The following KCNH3 variants were observed in gnomAD, a reference collection of about 807,000 sequenced individuals.
The protein encoded by KCNH3 is potassium voltage-gated channel subfamily H member 3.
A neutral mutation model predicts 95.6 loss-of-function variants in KCNH3; 36 were observed. The observed-to-expected ratio is 0.38, with a 90% CI of 0.29 to 0.50. The LOEUF (loss-of-function observed/expected upper bound fraction) is 0.50. KCNH3 is among the 20% of genes least tolerant of loss of function. The pLI is 0.95. For missense variants in KCNH3, 1,030 were observed against 1,484.1 expected (o/e 0.69, Z 5.03); for synonymous variants, 620 against 646.3 (o/e 0.96, Z 0.62).
Position 49,554,317 on chromosome 12 carries a change from C to A in KCNH3, c.1919-20C>A. Reference sequence around the variant, plus strand: ...GGCTGAAGCTCTCAGGGCTTGCTGACCTCTACTTCCTCTCCCCAGGGAAGG... The same window carrying A: ...GGCTGAAGCTCTCAGGGCTTGCTGAACTCTACTTCCTCTCCCCAGGGAAGG... On this transcript the variant is annotated intron_variant, in intron 10 of 14. Transcript: ENST00000257981. 1.2e-6 allele frequency: 2 copies of A among 1,605,370 alleles called. No homozygotes were observed.
chr12:49,540,015 C>A (rs191040614), intron 1 of KCNH3, among the ~76,000 whole-genome samples: 329 of 152,264 alleles, frequency 2.2e-3, no homozygotes, highest in Non-Finnish European at 3.9e-3. Context: ...GCCATCTAGC[C>A]CCAAGAAGAT....
At position 49,558,055 on chromosome 12, in the gene KCNH3, C is replaced by T. The variant is rs908424732; in HGVS notation, c.*102C>T. 2.1e-5 allele frequency: 28 copies of T among 1,314,700 alleles called. No homozygotes were observed. The highest frequency in any genetic ancestry group is 3.0e-5 in the African/African-American group (2 of 67,690). 81.4% of individuals were successfully genotyped at this position (1,314,700 alleles called of 1,614,324 possible). A position where few individuals can be genotyped will look rare whatever the true frequency, so the allele number is the denominator to read the frequency against. ...TGGCAGCCTCCCCACGGACTCCATG[C>T]GGCCCGCTGGCTCAGGGCAGGGAGC... On this transcript the variant is annotated 3_prime_UTR_variant, in exon 15 of 15. Transcript: ENST00000257981.
intron 9 of KCNH3, 34 bp downstream of exon 9, chr12:49,549,674 G>A (rs1455373212): frequency 1.3e-6 from 2 of 1,581,744 alleles, no homozygotes; most frequent in African/African-American, 1.3e-5. Flanking sequence ...GCTAGCCTTT[G>A]CTCCCTCAGG....
At chr12:49,551,598 A>AT (rs1938264785) in intron 10 of KCNH3, among the ~76,000 whole-genome samples, 1 of 146,674 alleles carries the variant, frequency 6.8e-6, no homozygotes, top group Non-Finnish European at 1.5e-5. Flanking sequence ...AAAAAAAAAA[A>AT]GAAAAGCCAC....
At position 49,549,613 on chromosome 12, in the gene KCNH3, G is replaced by T; in HGVS notation, c.1641G>T (p.Ala547=). The change falls in exon 9 of 15, where the codon GCG becomes GCT. Residue 547 remains alanine (A), a synonymous_variant. Transcript: ENST00000257981. ...TGGAGTACTTCCAGGCCACCTGGGC[G>T]GTGAACAATGGCATCGACACCACCG... The part of the protein sequence containing the change: ...RMLEYFQATW[A]VNNGIDTTEL... The T allele has an allele frequency of 5.0e-6, 8 of 1,611,056 alleles. No individual in the cohort carries two copies. Among genetic ancestry groups the T allele is most frequent in the Non-Finnish European group, 5.1e-6 (6 of 1,179,994 alleles).
chr12:49,556,563 T>C, intron 13 of KCNH3, 87 bp downstream of exon 13: 1 of 971,416 alleles, frequency 1.0e-6, no homozygotes, highest in Non-Finnish European at 1.6e-6. Context: ...GAGCCTTCAA[T>C]GTTAGAGAAA....
At position 49,543,521 on chromosome 12, in the gene KCNH3, G is replaced by A. The variant is rs780743571; in HGVS notation, c.823+3G>A. On this transcript the variant is annotated splice_donor_region_variant and intron_variant, in intron 5 of 14. Transcript: ENST00000257981. ...CGTGGAGGTCCTCTTCATCCTTGGT[G>A]CGTGCACTCTGCCCCTTCCGCCCCA... 1.1e-5 allele frequency: 17 copies of A among 1,591,948 alleles called. No individual in the cohort carries two copies. The East Asian group carries it at 3.4e-4, about 31-fold the overall frequency.
rs770307418 is a variant in KCNH3 at position 49,544,306 on chromosome 12, G to T, written c.1113G>T (p.Ala371=). Residue 371 remains alanine (A), a synonymous_variant, in exon 7 of 15, where the codon GCG becomes GCT. Transcript: ENST00000257981. ...TCATGGCCGTGTTCGCCCTGCTCGC[G>T]CACTGGGTCGCCTGCGTCTGGTTTT... The part of the protein sequence containing the change: ...TLLMAVFALL[A]HWVACVWFYI... 1.5e-5 allele frequency: 24 copies of T among 1,613,106 alleles called. No individual in the cohort carries two copies. The highest frequency in any genetic ancestry group is 1.9e-5 in the Non-Finnish European group (23 of 1,179,974).
At chr12:49,545,454 G>A (rs1938029885) in intron 7 of KCNH3, among the ~76,000 whole-genome samples, 1 of 146,714 alleles carries the variant, frequency 6.8e-6, no homozygotes, top group African/African-American at 2.6e-5. Flanking sequence ...GTACAGTGGC[G>A]TGATCTAGGC....
At position 49,540,919 on chromosome 12, in the gene KCNH3, A is replaced by C; in HGVS notation, c.97A>C (p.Asn33His). 6.2e-7 allele frequency: 1 copy of C among 1,614,156 alleles called. No homozygotes were observed. The highest frequency in any genetic ancestry group is 8.5e-7 in the Non-Finnish European group (1 of 1,180,010). The change falls in exon 2 of 15, where the codon AAC becomes CAC. Residue 33 changes from asparagine (N) to histidine (H), a missense_variant. Transcript: ENST00000257981. Reference sequence around the variant, plus strand: ...TGCAGACAGTAACTTCGTGCTGGGCAACGCCCAGGTGGCGGGGCTCTTCCC... The same window carrying C: ...TGCAGACAGTAACTTCGTGCTGGGCCACGCCCAGGTGGCGGGGCTCTTCCC... ...DGTHSNFVLG[N>H]AQVAGLFPVV... is the part of the protein sequence containing the mutation.
At chr12:49,542,961 G>C in intron 4 of KCNH3, 122 bp downstream of exon 4, 2 of 1,325,660 alleles carry the variant, frequency 1.5e-6, no homozygotes, top group Non-Finnish European at 2.0e-6. Context: ...CAGCACTTTG[G>C]GGGTTGGGAC....
In KCNH3 at chr12:49,557,526, C is replaced by T. The variant is rs776214067; in HGVS notation, c.2825C>T (p.Thr942Ile). 1 of 1,611,700 alleles carries T rather than the reference C, an allele frequency of 6.2e-7. No homozygotes were observed. Among genetic ancestry groups the T allele is most frequent in the Non-Finnish European group, 8.5e-7 (1 of 1,179,972 alleles). Residue 942 changes from threonine (T) to isoleucine (I), a missense_variant, in exon 15 of 15, where the codon ACT (threonine) becomes ATT (isoleucine). Thr to Ile is a moderately conservative substitution (Grantham distance 89). Transcript: ENST00000257981. ...CTTCTGCAGCCTCTGTGTGTGGACA[C>T]TGGGGCATCCTCCTACTGCCTGCAG... ...SGLLQPLCVD[T>I]GASSYCLQPP...
At chr12:49,552,524 C>T (rs1374054097) in intron 10 of KCNH3, among the ~76,000 whole-genome samples, 1 of 152,212 alleles carries the variant, frequency 6.6e-6, no homozygotes. Context: ...CTCTGCTTTG[C>T]CTTCATACCT....
intron 3 of KCNH3, 32 bp from the exon 4 acceptor site, chr12:49,542,674 C>A: frequency 6.5e-7 from 1 of 1,546,922 alleles, no homozygotes; most frequent in South Asian, 1.2e-5. Context: ...GGCACACACC[C>A]ATCATCTTCA....
Position 49,541,101 on chromosome 12 carries a change from C to A in KCNH3, c.279C>A (p.Phe93Leu). The change falls in exon 2 of 15, where the codon TTC becomes TTA. Residue 93 changes from phenylalanine to leucine, a missense_variant. Physicochemically the swap from Phe to Leu is conservative, Grantham distance 22 (BLOSUM62 0). Transcript: ENST00000257981. ...IRKALDEHKE[F>L]KAELILYRKS... The stretch of plus-strand genomic sequence containing the variant: ...AGGCCCTGGACGAGCACAAGGAGTT[C>A]AAGGCTGAGCTGATCCTGTACCGGA... 2 of 1,608,606 alleles carry A rather than the reference C, an allele frequency of 1.2e-6. No individual in the cohort carries two copies. Among genetic ancestry groups the A allele is most frequent in the South Asian group, 2.2e-5 (2 of 90,954 alleles).
chr12:49,541,224 C>T lies in KCNH3; in HGVS notation c.310+92C>T, dbSNP rs545663912. 6.3e-5 allele frequency: 56 copies of T among 883,844 alleles called. 2 individuals are homozygous for T. The South Asian group carries it at 8.1e-4, about 13-fold the overall frequency. The allele number at this position is 883,844 out of a possible 1,614,324, so 54.8% of individuals were successfully genotyped here. On this transcript the variant is annotated intron_variant, in intron 2 of 14. Coordinates refer to ENST00000257981, the MANE Select transcript of KCNH3 (RefSeq NM_012284.3). ...CACTGTCCCTCCTCCTTTCTGTTGC[C>T]ATCTTCTCCATCTCCCCATGTCATC...
chr12:49,554,485 C>T lies in KCNH3; in HGVS notation c.2067C>T (p.Ala689=). ...HDSLALYPEF[A]PRFSRGLRGE... is the part of the protein sequence containing the mutation. ...GCCTTGCGCTGTACCCCGAGTTTGC[C>T]CCGCGCTTCAGTCGTGGCCTCCGAG... Residue 689 remains alanine, a synonymous_variant, in exon 11 of 15, where the codon GCC becomes GCT. Coordinates refer to ENST00000257981, the MANE Select transcript of KCNH3 (RefSeq NM_012284.3). 1 of 1,613,738 alleles carries T rather than the reference C, an allele frequency of 6.2e-7. No individual in the cohort carries two copies. The highest frequency in any genetic ancestry group is 2.2e-5 in the East Asian group (1 of 44,884).
At chr12:49,546,702 G>A (rs1592502348) in intron 7 of KCNH3, among the ~76,000 whole-genome samples, 1 of 152,264 alleles carries the variant, frequency 6.6e-6, no homozygotes, top group South Asian at 2.1e-4. Flanking sequence ...CCACCTGGAG[G>A]CACAATCCTG....
In KCNH3 at chr12:49,539,275, G is replaced by A. The variant is rs1937783023; in HGVS notation, c.-142G>A. The A allele has an allele frequency of 3.1e-6, 1 of 321,140 alleles. No homozygotes were observed. 19.9% of individuals were successfully genotyped at this position (321,140 alleles called of 1,614,324 possible). ...GCGCGCCAGCGTCCGGCGCGACCCCGGATCCCGGTCTGCGCATTGCCCCCC... is the reference window on the plus strand; with the variant it reads ...GCGCGCCAGCGTCCGGCGCGACCCCAGATCCCGGTCTGCGCATTGCCCCCC... On this transcript the variant is annotated 5_prime_UTR_variant, in exon 1 of 15. Transcript: ENST00000257981. This position sits in a 1 kb window ranked among gnomAD's most constrained non-coding sequence, Gnocchi z 6.7.
Sources: gnomAD v4.1 joint callset for allele counts (sites outside exome capture counted in the v4.1 genomes callset) on GRCh38, gnomAD v4.1.1 for gene constraint, Gnocchi (gnomAD v3.1) non-coding constraint, MANE v1.5 for transcripts, NCBI Gene and HGNC (gene_info 2026-07-23, HGNC 2026-07-21) for gene names.